Variants in CAMKMT observed in about 807,000 individuals in gnomAD.
CAMKMT encodes calmodulin-lysine N-methyltransferase.
CAMKMT carries 53 observed loss-of-function variants against 48.0 expected under a neutral mutation model. That is an observed-to-expected ratio of 1.10 (90% CI 0.89 to 1.39). CAMKMT has a LOEUF of 1.39. CAMKMT is among the 40% of genes most tolerant of loss of function. The probability of loss-of-function intolerance (pLI) is 0.00; values close to 1 mark genes in which losing one functional copy is unlikely to be tolerated. For synonymous variants in CAMKMT, 165 were observed against 152.3 expected, an observed-to-expected ratio of 1.08 and a Z score of -0.61; for missense variants, 428 against 402.7, an observed-to-expected ratio of 1.06 and a Z score of -0.54.
intron 3 of CAMKMT, among the ~76,000 whole-genome samples, chr2:44,530,624 T>C (rs1236144538): frequency 6.6e-6 from 1 of 152,168 alleles, no homozygotes; most frequent in Admixed American, 6.5e-5. Context: ...GGCCAAAGCA[T>C]GTGCAATATC....
intron 3 of CAMKMT, among the ~76,000 whole-genome samples, chr2:44,488,338 T>C (rs1386086466): frequency 7.2e-5 from 11 of 152,050 alleles, no homozygotes; most frequent in Admixed American, 7.2e-4. Context: ...CCATCTCTAC[T>C]AAAAATACAA....
intron 3 of CAMKMT, among the ~76,000 whole-genome samples, chr2:44,455,202 C>T (rs191834601): frequency 1.8e-4 from 28 of 151,588 alleles, no homozygotes; most frequent in Non-Finnish European, 3.4e-4. Flanking sequence ...AACTGTGAAA[C>T]GTGAAAGTAG....
chr2:44,407,096 A>G (rs915599934), intron 3 of CAMKMT, among the ~76,000 whole-genome samples: 6 of 152,178 alleles, frequency 3.9e-5, no homozygotes, highest in Non-Finnish European at 4.4e-5. Flanking sequence ...GATTAAGTCA[A>G]TTTAGGCAGT....
At chr2:44,444,439 A>G (rs1666859095) in intron 3 of CAMKMT, among the ~76,000 whole-genome samples, 2 of 152,320 alleles carry the variant, frequency 1.3e-5, no homozygotes, top group African/African-American at 4.8e-5. Context: ...AGTCTCTGAT[A>G]AAAATGTTAA....
At chr2:44,634,379 C>A (rs1359113883) in intron 3 of CAMKMT, among the ~76,000 whole-genome samples, 1 of 151,856 alleles carries the variant, frequency 6.6e-6, no homozygotes, top group African/African-American at 2.4e-5. Context: ...TCCTTTGCTG[C>A]CTGTTGTCCA....
chr2:44,592,317 C>G (rs1670342529), intron 3 of CAMKMT, among the ~76,000 whole-genome samples: 1 of 150,526 alleles, frequency 6.6e-6, no homozygotes, highest in Non-Finnish European at 1.5e-5. Context: ...TGGTGTCTTT[C>G]AAAGAACTTG....
At position 44,638,884 on chromosome 2, in the gene CAMKMT, G is replaced by A. The variant is rs533724430; in HGVS notation, c.377-65399G>A. Among the ~76,000 whole-genome samples, 9 of 152,350 alleles carry A rather than the reference G, an allele frequency of 5.9e-5. No individual in the cohort carries two copies. The South Asian group carries it at 1.9e-3, about 32-fold the overall frequency. ...GCCAGTTTTGCTATCTTTGCTGGCA[G>A]AGGGGCAGAACCGACACTTTTGTAG... On this transcript the variant is annotated intron_variant, in intron 3 of 10. Coordinates refer to ENST00000378494, the MANE Select transcript of CAMKMT (RefSeq NM_024766.5).
chr2:44,673,376 A>G (rs1675444134), intron 3 of CAMKMT, among the ~76,000 whole-genome samples: 1 of 150,946 alleles, frequency 6.6e-6, no homozygotes. Context: ...GCAGTAAGCC[A>G]TGATTGCACG....
At chr2:44,758,933 C>G (rs912779805) in intron 9 of CAMKMT, among the ~76,000 whole-genome samples, 1 of 152,142 alleles carries the variant, frequency 6.6e-6, no homozygotes, top group Non-Finnish European at 1.5e-5. Flanking sequence ...TTACTCAGGA[C>G]CAGAGGATAG....
intron 3 of CAMKMT, among the ~76,000 whole-genome samples, chr2:44,592,747 C>T (rs1314456626): frequency 6.6e-6 from 1 of 152,134 alleles, no homozygotes; most frequent in Middle Eastern, 3.2e-3. Context: ...TTGTATCCCC[C>T]AAGGATAAGG....
At chr2:44,640,894 G>C (rs1446608337) in intron 3 of CAMKMT, among the ~76,000 whole-genome samples, 1 of 152,180 alleles carries the variant, frequency 6.6e-6, no homozygotes, top group Non-Finnish European at 1.5e-5. Context: ...AGCATGTCCA[G>C]CTAGTGCTGC....
At chr2:44,514,407 G>C (rs1670732840) in intron 3 of CAMKMT, among the ~76,000 whole-genome samples, 1 of 152,196 alleles carries the variant, frequency 6.6e-6, no homozygotes, top group African/African-American at 2.4e-5. Flanking sequence ...AGGTGGCCCA[G>C]AGTGTCTCGA....
rs1018337847 is a variant in CAMKMT, at chr2:44,536,761, G to A, written c.376+146456G>A. ...AGGCATCATACTACCTGACTTTAAA[G>A]TATATTACAAGGATATAGTAACCCA... is the stretch of plus-strand genomic sequence containing the variant. On this transcript the variant is annotated intron_variant, in intron 3 of 10. Coordinates refer to ENST00000378494, the MANE Select transcript of CAMKMT (RefSeq NM_024766.5). Among the ~76,000 whole-genome samples, 14 of 152,090 alleles carry A rather than the reference G, an allele frequency of 9.2e-5. No individual in the cohort carries two copies. The East Asian group carries it at 2.3e-3, about 25-fold the overall frequency.
chr2:44,429,552 G>T (rs1252804216), intron 3 of CAMKMT, among the ~76,000 whole-genome samples: 3 of 151,940 alleles, frequency 2.0e-5, no homozygotes, highest in African/African-American at 4.8e-5. Flanking sequence ...ACTTTAATGG[G>T]ACCAAAAGAA....
chr2:44,742,257 C>A (rs981823958), intron 7 of CAMKMT, among the ~76,000 whole-genome samples: 1 of 152,158 alleles, frequency 6.6e-6, no homozygotes, highest in Non-Finnish European at 1.5e-5. Context: ...AAGCATTGAT[C>A]TCTTAGGATT....
At chr2:44,513,603 G>A (rs185070634) in intron 3 of CAMKMT, among the ~76,000 whole-genome samples, 27 of 152,228 alleles carry the variant, frequency 1.8e-4, no homozygotes, top group African/African-American at 5.8e-4. Context: ...AGCTCCTCTC[G>A]GGACCATAGG....
At chr2:44,392,710 A>G (rs1018201887) in intron 3 of CAMKMT, among the ~76,000 whole-genome samples, 2 of 151,984 alleles carry the variant, frequency 1.3e-5, no homozygotes, top group Admixed American at 6.6e-5. Flanking sequence ...ATTCAAAAAT[A>G]CAAAAAAATA....
chr2:44,692,648 G>T (rs1427634398), intron 3 of CAMKMT, among the ~76,000 whole-genome samples: 2 of 152,022 alleles, frequency 1.3e-5, no homozygotes, highest in African/African-American at 4.8e-5. Flanking sequence ...TAAATACCTT[G>T]CCCAAGATCA....
chr2:44,607,586 TA>T (rs1671355579), intron 3 of CAMKMT, among the ~76,000 whole-genome samples: 1 of 152,178 alleles, frequency 6.6e-6, no homozygotes, highest in African/African-American at 2.4e-5. Flanking sequence ...TACTATGAAT[TA>T]TTGATATGTT....
Sources: allele counts gnomAD v4.1 joint callset (sites outside exome capture counted in the v4.1 genomes callset), GRCh38; gene constraint gnomAD v4.1.1; transcripts MANE v1.5; gene names NCBI Gene and HGNC (gene_info 2026-07-23, HGNC 2026-07-21).